Variants in SCAPER observed in about 807,000 individuals in gnomAD.
SCAPER encodes S phase cyclin A-associated protein in the endoplasmic reticulum.
A neutral mutation model predicts 182.2 loss-of-function variants in SCAPER; 98 were observed. The observed-to-expected ratio is 0.54, with a 90% CI of 0.46 to 0.64. The LOEUF is 0.64. Ranked by LOEUF, SCAPER falls within the 30% of genes least tolerant of loss-of-function variation. The pLI is 0.00. For missense variants in SCAPER, 1,432 were observed against 1,690.0 expected, an observed-to-expected ratio of 0.85 and a Z score of 2.68; for synonymous variants, 605 against 564.6, an observed-to-expected ratio of 1.07 and a Z score of -1.01.
At chr15:76,402,162 C>CA (rs1216879101) in intron 27 of SCAPER, among the ~76,000 whole-genome samples, 1 of 151,978 alleles carries the variant, frequency 6.6e-6, no homozygotes, top group Non-Finnish European at 1.5e-5. Flanking sequence ...AACAAACAAA[C>CA]AAAAAACAGG....
At chr15:76,397,397 G>A (rs550245614) in intron 27 of SCAPER, among the ~76,000 whole-genome samples, 7 of 150,286 alleles carry the variant, frequency 4.7e-5, no homozygotes, top group African/African-American at 1.7e-4. Flanking sequence ...AGTAGGATTA[G>A]TATTAGTTGT....
rs547314062 is a variant in SCAPER at position 76,732,651 on chromosome 15, C to T, written c.2022+578G>A. On this transcript the variant is annotated intron_variant, in intron 16 of 31. Coordinates refer to ENST00000563290, the MANE Select transcript of SCAPER (RefSeq NM_020843.4). ...CGGGAAAGGGACTCTCCCTTTCCCC[C>T]GGGGAGTTTAGAGAAGACTCTACTC... Among the ~76,000 whole-genome samples the T allele has an allele frequency of 1.4e-3, 208 of 152,166 alleles. 1 individual carries two copies. Among genetic ancestry groups the T allele is most frequent in the African/African-American group, 4.5e-3 (187 of 41,528 alleles).
intron 5 of SCAPER, among the ~76,000 whole-genome samples, chr15:76,831,739 A>G (rs1029442999): frequency 6.6e-6 from 1 of 152,068 alleles, no homozygotes; most frequent in Non-Finnish European, 1.5e-5. Context: ...GCCTGTCAGA[A>G]TGTGGTTGTC....
At chr15:76,894,712 C>T (rs546268129) in intron 1 of SCAPER, among the ~76,000 whole-genome samples, 11 of 152,168 alleles carry the variant, frequency 7.2e-5, no homozygotes, top group African/African-American at 2.2e-4. Flanking sequence ...AACATTACAA[C>T]TGATATTATA....
At chr15:76,670,016 T>C (rs1024826173) in intron 20 of SCAPER, among the ~76,000 whole-genome samples, 7 of 152,296 alleles carry the variant, frequency 4.6e-5, no homozygotes, top group Admixed American at 2.6e-4. Context: ...ATCTTTATTA[T>C]AGACAACGCC....
intron 27 of SCAPER, among the ~76,000 whole-genome samples, chr15:76,385,532 T>C (rs970025919): frequency 6.6e-6 from 1 of 152,128 alleles, no homozygotes; most frequent in Non-Finnish European, 1.5e-5. Flanking sequence ...AGTGTTGGAG[T>C]GGGTGAGACT....
At chr15:76,391,162 G>A (rs934808456) in intron 27 of SCAPER, among the ~76,000 whole-genome samples, 1 of 151,998 alleles carries the variant, frequency 6.6e-6, no homozygotes, top group Non-Finnish European at 1.5e-5. Context: ...CCACTTCAAG[G>A]TCTTGCCATT....
At chr15:76,432,465 C>T (rs2046932077) in intron 26 of SCAPER, among the ~76,000 whole-genome samples, 1 of 152,232 alleles carries the variant, frequency 6.6e-6, no homozygotes, top group Non-Finnish European at 1.5e-5. Context: ...AATTTATGAA[C>T]TGCGAAAGAA....
At chr15:76,672,026 G>A (rs1226775546) in intron 20 of SCAPER, among the ~76,000 whole-genome samples, 5 of 152,146 alleles carry the variant, frequency 3.3e-5, no homozygotes, top group Non-Finnish European at 7.4e-5. Context: ...TCTGACTAGT[G>A]GAGGGCAGCC....
At chr15:76,360,388 C>G (rs2041317578) in intron 29 of SCAPER, among the ~76,000 whole-genome samples, 1 of 152,190 alleles carries the variant, frequency 6.6e-6, no homozygotes, top group Non-Finnish European at 1.5e-5. Flanking sequence ...TCAGAAAGTT[C>G]AAGAGAGCTT....
chr15:76,422,231 T>A (rs1290566014), intron 26 of SCAPER, among the ~76,000 whole-genome samples: 5 of 152,220 alleles, frequency 3.3e-5, no homozygotes, highest in African/African-American at 1.2e-4. Context: ...TTTCACGATA[T>A]TGATTCTTCC....
intron 24 of SCAPER, among the ~76,000 whole-genome samples, chr15:76,478,377 T>G (rs2050830494): frequency 6.6e-6 from 1 of 152,068 alleles, no homozygotes; most frequent in African/African-American, 2.4e-5. Flanking sequence ...TTATGTTATT[T>G]TAAAGTTTTT....
chr15:76,360,384 A>C (rs1194596974), intron 29 of SCAPER, among the ~76,000 whole-genome samples: 1 of 152,244 alleles, frequency 6.6e-6, no homozygotes, highest in African/African-American at 2.4e-5. Flanking sequence ...ATGCTCAGAA[A>C]GTTCAAGAGA....
chr15:76,446,311 C>T (rs1357816129), intron 25 of SCAPER, among the ~76,000 whole-genome samples: 1 of 152,094 alleles, frequency 6.6e-6, no homozygotes, highest in Non-Finnish European at 1.5e-5. Context: ...AAGCACTAAA[C>T]AAGCGTGATG....
At chr15:76,877,866 G>A (rs1175640737) in intron 2 of SCAPER, among the ~76,000 whole-genome samples, 1 of 152,108 alleles carries the variant, frequency 6.6e-6, no homozygotes, top group Non-Finnish European at 1.5e-5. Flanking sequence ...AATATCTACT[G>A]TGTATTATAT....
At chr15:76,608,564 G>C (rs891891160) in intron 22 of SCAPER, among the ~76,000 whole-genome samples, 1 of 152,208 alleles carries the variant, frequency 6.6e-6, no homozygotes, top group Non-Finnish European at 1.5e-5. Context: ...GGACATTTAA[G>C]TCTGCAGAGG....
chr15:76,846,307 C>T (rs749795525), intron 4 of SCAPER, among the ~76,000 whole-genome samples: 4 of 151,716 alleles, frequency 2.6e-5, no homozygotes, highest in Non-Finnish European at 5.9e-5. Flanking sequence ...AGCAATATAC[C>T]CCATAAGCAC....
chr15:76,366,700 A>G (rs1402822511), intron 29 of SCAPER, among the ~76,000 whole-genome samples: 1 of 152,170 alleles, frequency 6.6e-6, no homozygotes. Context: ...GCCCATACAT[A>G]AAATAATTAT....
chr15:76,567,469 A>G, intron 23 of SCAPER: 1 of 362,290 alleles, frequency 2.8e-6, no homozygotes, highest in Non-Finnish European at 5.6e-6. Flanking sequence ...TGTTTGCTAC[A>G]TGGTAGGCTC....
Sources: gnomAD v4.1 joint callset for allele counts (sites outside exome capture counted in the v4.1 genomes callset) on GRCh38, gnomAD v4.1.1 for gene constraint, MANE v1.5 for transcripts, NCBI Gene and HGNC (gene_info 2026-07-23, HGNC 2026-07-21) for gene names.